Variants in KLHL4 observed in about 807,000 individuals in gnomAD.
KLHL4 encodes the protein kelch like family member 4.
Under a neutral mutation model 45.8 loss-of-function variants are expected in KLHL4, and 17 were observed. That is an observed-to-expected ratio of 0.37 (90% CI 0.25 to 0.56). The LOEUF (loss-of-function observed/expected upper bound fraction) is 0.56, where lower values mean the gene tolerates loss of function less well. KLHL4 is among the 20% of genes least tolerant of loss of function. The probability of loss-of-function intolerance (pLI) is 0.79; values close to 1 mark genes in which losing one functional copy is unlikely to be tolerated. For synonymous variants in KLHL4, 224 were observed against 189.9 expected (o/e 1.18, Z -1.47); for missense variants, 544 against 544.9 (o/e 1.00, Z 0.02).
rs771210488 is a variant in KLHL4, at chrX:87,632,299, G to A, written c.1414G>A (p.Ala472Thr). Residue 472 changes from alanine to threonine, a missense_variant, in exon 7 of 11, where the codon GCA (alanine) becomes ACA (threonine). Transcript: ENST00000373119. ...TGGCCGTAGGCTTCAATTTGGAGTC[G>A]CAGTTATTGATAATAAGCTCTATGT... Reference protein sequence around the residue: ...MNGRRLQFGVAVIDNKLYVVG... With the variant: ...MNGRRLQFGVTVIDNKLYVVG... The A allele has an allele frequency of 7.3e-5, 88 of 1,206,137 alleles. No homozygotes were observed. In the South Asian group the frequency reaches 1.1e-3, roughly 15 times the overall value.
At position 87,620,127 on chromosome X, in the gene KLHL4, T is replaced by G. The variant is rs754397265; in HGVS notation, c.924+1999T>G. On this transcript the variant is annotated intron_variant, in intron 4 of 10. Transcript: ENST00000373119. ...AAATTAACCATTTAAATCATACAGA[T>G]AGTTGTCTGCATCAATGAAGCATTT... Among the ~76,000 whole-genome samples the G allele has an allele frequency of 2.7e-5, 3 of 111,587 alleles. No individual in the cohort carries two copies. In the East Asian group the frequency reaches 8.5e-4, roughly 32 times the overall value.
intron 1 of KLHL4, among the ~76,000 whole-genome samples, chrX:87,606,590 C>A (rs182953529): frequency 0.011 from 1,166 of 110,504 alleles, 16 homozygotes; most frequent in African/African-American, 0.035. Flanking sequence ...TATAGGCCAA[C>A]AAATTTGAGA....
At chrX:87,573,520 G>C (rs1001708754) in intron 1 of KLHL4, among the ~76,000 whole-genome samples, 2 of 111,129 alleles carry the variant, frequency 1.8e-5, no homozygotes, top group African/African-American at 6.5e-5. Context: ...AGAATGAATA[G>C]ATGGATGGGA....
At position 87,566,479 on chromosome X, in the gene KLHL4, A is replaced by G. The variant is rs180988546; in HGVS notation, c.423-47398A>G. 3.6e-3 allele frequency among the ~76,000 whole-genome samples: 402 copies of G among 112,192 alleles called. 6 individuals are homozygous for G. In the South Asian group the frequency reaches 0.05, roughly 14 times the overall value. On this transcript the variant is annotated intron_variant, in intron 1 of 10. Coordinates refer to ENST00000373119, the MANE Select transcript of KLHL4 (RefSeq NM_019117.5). The stretch of plus-strand genomic sequence containing the variant: ...CACCTTAAATGTGCTCAGAACATTT[A>G]CATTAGCCTAAAATTGGGCAAAATC...
chrX:87,624,208 G>T (rs1231157522), intron 5 of KLHL4, among the ~76,000 whole-genome samples: 1 of 112,259 alleles, frequency 8.9e-6, no homozygotes, highest in African/African-American at 3.2e-5. Flanking sequence ...ACAACCAACA[G>T]TACCGTGGTA....
chrX:87,649,251 T>G (rs1449670048), intron 9 of KLHL4, among the ~76,000 whole-genome samples: 1 of 111,740 alleles, frequency 8.9e-6, no homozygotes, highest in Non-Finnish European at 1.9e-5. Context: ...ATTTGACTAT[T>G]CTAGTTACCT....
intron 1 of KLHL4, among the ~76,000 whole-genome samples, chrX:87,528,526 C>A (rs1931161690): frequency 9.2e-6 from 1 of 108,140 alleles, no homozygotes; most frequent in Non-Finnish European, 1.9e-5. Flanking sequence ...ACCATCCTGG[C>A]CAACATGGTG....
chrX:87,651,620 A>G (rs776296065), intron 9 of KLHL4, among the ~76,000 whole-genome samples: 2 of 112,323 alleles, frequency 1.8e-5, no homozygotes, highest in Non-Finnish European at 1.9e-5. Flanking sequence ...GCTCCATAAC[A>G]ATCACTTTTG....
chrX:87,545,372 G>A (rs1931651392), intron 1 of KLHL4, among the ~76,000 whole-genome samples: 1 of 111,345 alleles, frequency 9.0e-6, no homozygotes, highest in African/African-American at 3.3e-5. Context: ...TTGCCATGCT[G>A]TTCCTATGAT....
chrX:87,544,562 G>C (rs929396947), intron 1 of KLHL4, among the ~76,000 whole-genome samples: 1 of 111,687 alleles, frequency 9.0e-6, no homozygotes, highest in African/African-American at 3.3e-5. Context: ...GTGGCCACAA[G>C]GGTATTTGTG....
At chrX:87,649,413 G>A (rs1440405260) in intron 9 of KLHL4, among the ~76,000 whole-genome samples, 2 of 111,222 alleles carry the variant, frequency 1.8e-5, no homozygotes, top group Admixed American at 1.9e-4. Context: ...ACATATTCTG[G>A]AAATTAGTCC....
chrX:87,639,749 A>G (rs1923388902), intron 9 of KLHL4, among the ~76,000 whole-genome samples: 1 of 110,965 alleles, frequency 9.0e-6, no homozygotes, highest in Non-Finnish European at 1.9e-5. Context: ...TGCCTACATC[A>G]AAAAGTCTGA....
At chrX:87,553,810 A>G (rs1200920044) in intron 1 of KLHL4, among the ~76,000 whole-genome samples, 2 of 111,162 alleles carry the variant, frequency 1.8e-5, no homozygotes, top group Non-Finnish European at 3.8e-5. Flanking sequence ...TATGTCCTGA[A>G]TGGTAATGCC....
chrX:87,567,628 A>G (rs1412531751), intron 1 of KLHL4, among the ~76,000 whole-genome samples: 1 of 112,335 alleles, frequency 8.9e-6, no homozygotes, highest in Non-Finnish European at 1.9e-5. Flanking sequence ...TCTGCCTTAA[A>G]AAGAATGGAA....
chrX:87,580,256 C>T (rs1273492112), intron 1 of KLHL4, among the ~76,000 whole-genome samples: 1 of 105,566 alleles, frequency 9.5e-6, no homozygotes, highest in African/African-American at 3.5e-5. Context: ...ATGCATATCA[C>T]TACAAAAAAA....
At chrX:87,587,544 T>A (rs12392451) in intron 1 of KLHL4, among the ~76,000 whole-genome samples, 52,048 of 110,048 alleles carry the variant, frequency 0.47, 8,750 homozygotes, top group East Asian at 0.77. Flanking sequence ...AAGAATAAAA[T>A]CCATATGATC....
chrX:87,533,984 T>C (rs1931372748), intron 1 of KLHL4, among the ~76,000 whole-genome samples: 1 of 111,570 alleles, frequency 9.0e-6, no homozygotes, highest in African/African-American at 3.3e-5. Flanking sequence ...TCAGTTTATC[T>C]AGTCAAGACC....
chrX:87,665,956 T>A (rs1924356675), intron 10 of KLHL4, among the ~76,000 whole-genome samples: 1 of 111,648 alleles, frequency 9.0e-6, no homozygotes, highest in Non-Finnish European at 1.9e-5. Context: ...AAAAAAAATA[T>A]CATGCAAGGT....
intron 7 of KLHL4, 74 bp downstream of exon 7, chrX:87,632,508 C>A: frequency 1.5e-6 from 1 of 687,421 alleles, no homozygotes; most frequent in Non-Finnish European, 2.1e-6. Flanking sequence ...TCTAGCAGCA[C>A]ATTATTGGGA....
Sources: gnomAD v4.1 joint callset for allele counts (sites outside exome capture counted in the v4.1 genomes callset) on GRCh38, gnomAD v4.1.1 for gene constraint, MANE v1.5 for transcripts, NCBI Gene and HGNC (gene_info 2026-07-23, HGNC 2026-07-21) for gene names.